The following MICU3 variants were observed in gnomAD, a reference collection of about 807,000 sequenced individuals.
MICU3 encodes the protein calcium uptake protein 3, mitochondrial.
In MICU3, 62 loss-of-function variants were observed where a neutral mutation model predicts 66.5. The ratio of observed to expected loss-of-function variants is 0.93; its 90% CI spans 0.76 to 1.15. The LOEUF (loss-of-function observed/expected upper bound fraction) is 1.15. MICU3 is among the 50% of genes most tolerant of loss of function. The pLI, the probability that MICU3 is intolerant of heterozygous loss-of-function variation, is 0.00. For missense variants in MICU3, 779 were observed against 664.4 expected, an observed-to-expected ratio of 1.17 and a Z score of -1.90; for synonymous variants, 308 against 240.7, an observed-to-expected ratio of 1.28 and a Z score of -2.59.
chr8:17,116,504 C>A lies in MICU3; in HGVS notation c.1428C>A (p.Asn476Lys). Reference sequence around the variant, plus strand: ...TCAAATTTTCACCACATTTAGTGAACACTGTCTTCAAGATTTTTGATGTTG... The same window carrying A: ...TCAAATTTTCACCACATTTAGTGAAAACTGTCTTCAAGATTTTTGATGTTG... ...TGLKFSPHLV[N>K]TVFKIFDVDK... The change falls in exon 13 of 15, where the codon AAC (asparagine) becomes AAA (lysine). Residue 476 changes from asparagine to lysine, a missense_variant. Physicochemically the swap from Asn to Lys is moderately conservative, Grantham distance 94. Transcript: ENST00000318063. 1 of 1,564,178 alleles carries A rather than the reference C, an allele frequency of 6.4e-7. No individual in the cohort carries two copies. The highest frequency in any genetic ancestry group is 2.1e-5 in the Admixed American group (1 of 47,426).
intron 4 of MICU3, among the ~76,000 whole-genome samples, chr8:17,078,203 A>C (rs994720886): frequency 3.3e-5 from 5 of 152,090 alleles, no homozygotes; most frequent in African/African-American, 1.2e-4. Flanking sequence ...ACATTTCACA[A>C]AAATACTAGA....
chr8:17,054,837 C>G (rs1430026285), intron 1 of MICU3, among the ~76,000 whole-genome samples: 1 of 147,814 alleles, frequency 6.8e-6, no homozygotes, highest in African/African-American at 2.5e-5. Flanking sequence ...CTCCCGGGTT[C>G]AAGCGATTCT....
At chr8:17,102,785 A>T (rs1801381612) in intron 9 of MICU3, 1 of 151,938 alleles carries the variant, frequency 6.6e-6, no homozygotes, top group African/African-American at 2.4e-5. Flanking sequence ...AAACAGATCA[A>T]ACTACTATCA....
At chr8:17,136,812 G>C in the MICU3 span, among the ~76,000 whole-genome samples, 1 of 151,912 alleles carries the variant, frequency 6.6e-6, no homozygotes, top group Non-Finnish European at 1.5e-5. Flanking sequence ...AGCCAACTGG[G>C]GACCACAACT....
At chr8:17,087,111 T>A in intron 7 of MICU3, 76 bp downstream of exon 7, 2 of 990,684 alleles carry the variant, frequency 2.0e-6, no homozygotes, top group Admixed American at 2.5e-5. Context: ...AAACAATAAT[T>A]AAAGTTTGTA....
At chr8:17,071,277 C>T (rs770352574) in intron 3 of MICU3, among the ~76,000 whole-genome samples, 8 of 152,048 alleles carry the variant, frequency 5.3e-5, no homozygotes, top group Admixed American at 1.3e-4. Context: ...TATTTTCTCA[C>T]GGTTCTGGGG....
intron 13 of MICU3, 33 bp downstream of exon 13, chr8:17,116,633 CT>C: frequency 1.4e-6 from 2 of 1,452,600 alleles, no homozygotes; most frequent in Non-Finnish European, 1.8e-6. Context: ...TATTGATATC[CT>C]TTTTAAAGTC....
chr8:17,063,977 C>T (rs1298221868), intron 1 of MICU3, 107 bp from the exon 2 acceptor site: 9 of 683,488 alleles, frequency 1.3e-5, no homozygotes, highest in Non-Finnish European at 2.0e-5. Context: ...GATATTTTCA[C>T]ACTTCCTCAT....
chr8:17,096,065 C>T (rs907582679), intron 8 of MICU3, among the ~76,000 whole-genome samples: 2 of 151,946 alleles, frequency 1.3e-5, no homozygotes, highest in African/African-American at 4.8e-5. Flanking sequence ...TGAAGGTCTA[C>T]ACATTTTACA....
chr8:17,089,251 G>A lies in MICU3; in HGVS notation c.850-1295G>A, dbSNP rs532721517. Among the ~76,000 whole-genome samples, 3 of 151,894 alleles carry A rather than the reference G, an allele frequency of 2.0e-5. No homozygotes were observed. The South Asian group carries it at 6.2e-4, about 32-fold the overall frequency. ...AGAAATAATCTTTAGTACAACTTTGGAACTAACAGCACTTTACACTATAGC... is the reference window on the plus strand; with the variant it reads ...AGAAATAATCTTTAGTACAACTTTGAAACTAACAGCACTTTACACTATAGC... On this transcript the variant is annotated intron_variant, in intron 7 of 14. Coordinates refer to ENST00000318063, the MANE Select transcript of MICU3 (RefSeq NM_181723.3).
chr8:17,042,709 CTAAT>C (rs1273167766), intron 1 of MICU3, among the ~76,000 whole-genome samples: 1 of 151,924 alleles, frequency 6.6e-6, no homozygotes, highest in East Asian at 1.9e-4. Context: ...TTCCTATTTT[CTAAT>C]TAATTGTCTT....
intron 1 of MICU3, among the ~76,000 whole-genome samples, chr8:17,044,364 G>T (rs1336947234): frequency 1.3e-5 from 2 of 152,202 alleles, no homozygotes; most frequent in African/African-American, 4.8e-5. Context: ...GAAGCAGTCT[G>T]TTAGGATCTA....
At chr8:17,089,394 AT>A (rs1207888526) in intron 7 of MICU3, among the ~76,000 whole-genome samples, 1 of 152,088 alleles carries the variant, frequency 6.6e-6, no homozygotes, top group East Asian at 1.9e-4. Flanking sequence ...TACTTTAGTT[AT>A]CAAAGATTTT....
chr8:17,064,651 T>G (rs1204574421), intron 2 of MICU3, among the ~76,000 whole-genome samples: 1 of 152,170 alleles, frequency 6.6e-6, no homozygotes, highest in South Asian at 2.1e-4. Flanking sequence ...CTCTCACCTT[T>G]TCATATGTTA....
At position 17,105,525 on chromosome 8, in the gene MICU3, A is replaced by C; in HGVS notation, c.1198A>C (p.Asn400His). The change falls in exon 11 of 15, where the codon AAT becomes CAT. Residue 400 changes from asparagine (N) to histidine (H), a missense_variant. Asn to His is a moderately conservative substitution (Grantham distance 68). Coordinates refer to ENST00000318063, the MANE Select transcript of MICU3 (RefSeq NM_181723.3). The part of the protein sequence containing the change: ...DFAHILLRYT[N>H]VENTSVFLEN... ...TGCTCATATTCTTTTACGATATACA[A>C]ATGTGGAAAATACATCAGTATTTTT... 1 of 1,575,312 alleles carries C rather than the reference A, an allele frequency of 6.3e-7. No individual in the cohort carries two copies. Among genetic ancestry groups the C allele is most frequent in the Non-Finnish European group, 8.6e-7 (1 of 1,157,500 alleles).
chr8:17,031,573 G>C (rs1021234033), intron 1 of MICU3, among the ~76,000 whole-genome samples: 1 of 151,798 alleles, frequency 6.6e-6, no homozygotes, highest in Non-Finnish European at 1.5e-5. Context: ...GTCGTGAGCC[G>C]CTGCACCCAG....
chr8:17,054,954 G>A (rs1816690867), intron 1 of MICU3, among the ~76,000 whole-genome samples: 1 of 151,836 alleles, frequency 6.6e-6, no homozygotes, highest in Non-Finnish European at 1.5e-5. Flanking sequence ...GGCCAGGATG[G>A]TCTCGATCTC....
At chr8:17,116,762 T>C (rs1802722619) in intron 13 of MICU3, among the ~76,000 whole-genome samples, 162 bp downstream of exon 13, 1 of 152,148 alleles carries the variant, frequency 6.6e-6, no homozygotes, top group African/African-American at 2.4e-5. Flanking sequence ...TAAAAAACAA[T>C]TTGAGGTGAT....
At chr8:17,082,558 G>T (rs1314622761) in intron 5 of MICU3, among the ~76,000 whole-genome samples, 2 of 152,228 alleles carry the variant, frequency 1.3e-5, no homozygotes, top group Non-Finnish European at 2.9e-5. Flanking sequence ...TTATGGCAAA[G>T]ATTTTTTCTT....
Sources: allele counts gnomAD v4.1 joint callset (sites outside exome capture counted in the v4.1 genomes callset), GRCh38; gene constraint gnomAD v4.1.1; transcripts MANE v1.5; gene names NCBI Gene and HGNC (gene_info 2026-07-23, HGNC 2026-07-21).